RALYL: variants seen among roughly 807,000 people sequenced by gnomAD.
RALYL encodes the protein RNA-binding Raly-like protein.
RALYL carries 29 observed loss-of-function variants against 35.1 expected under a neutral mutation model. The observed-to-expected ratio is 0.83, with a 90% CI of 0.61 to 1.13. RALYL has a LOEUF of 1.13. Ranked by LOEUF, RALYL falls within the 50% of genes most tolerant of loss-of-function variation. RALYL has a pLI of 0.00. For missense variants in RALYL, 359 were observed against 360.4 expected (o/e 1.00, Z 0.03); for synonymous variants, 120 against 127.6 (o/e 0.94, Z 0.40).
intron 2 of RALYL, among the ~76,000 whole-genome samples, chr8:84,676,881 C>A (rs550517080): frequency 1.3e-5 from 2 of 152,290 alleles, no homozygotes; most frequent in African/African-American, 4.8e-5. Context: ...CAGCTCACTG[C>A]AACCTCTGCC....
At chr8:84,220,220 T>C (rs562266635) in intron 1 of RALYL, among the ~76,000 whole-genome samples, 9 of 152,226 alleles carry the variant, frequency 5.9e-5, no homozygotes, top group South Asian at 4.1e-4. Context: ...TAAACAATTA[T>C]GGGATCTTAA....
chr8:84,627,943 C>A (rs1049371972), intron 2 of RALYL, among the ~76,000 whole-genome samples: 1 of 152,062 alleles, frequency 6.6e-6, no homozygotes, highest in Non-Finnish European at 1.5e-5. Context: ...CTCTAAAATT[C>A]TCCATTTGGA....
At chr8:84,201,567 C>CT (rs35305807) in intron 1 of RALYL, among the ~76,000 whole-genome samples, 151 of 137,654 alleles carry the variant, frequency 1.1e-3, no homozygotes, top group African/African-American at 2.1e-3. Context: ...TTTTGCTTTT[C>CT]TTTTTTTTTT....
chr8:84,913,919 A>C (rs1847990197), intron 8 of RALYL, among the ~76,000 whole-genome samples: 1 of 151,980 alleles, frequency 6.6e-6, no homozygotes, highest in Non-Finnish European at 1.5e-5. Context: ...ATGCAATTTT[A>C]AAAATGAAGT....
intron 1 of RALYL, among the ~76,000 whole-genome samples, chr8:84,220,161 CTT>C (rs1563554573): frequency 2.0e-5 from 3 of 152,008 alleles, no homozygotes; most frequent in Non-Finnish European, 4.4e-5. Context: ...TCACTCCTCT[CTT>C]TAAAATTTTG....
rs1564115932 is a variant in RALYL at position 84,542,718 on chromosome 8, C to A, written c.256+13141C>A. On this transcript the variant is annotated intron_variant, in intron 2 of 8. Transcript: ENST00000521268. ...TTAAACATCTTTCCTTTATTAATTACCCAGTCTTGGATATTTCTTCATAGC... is the reference window on the plus strand; with the variant it reads ...TTAAACATCTTTCCTTTATTAATTAACCAGTCTTGGATATTTCTTCATAGC... Among the ~76,000 whole-genome samples the A allele has an allele frequency of 2.0e-5, 3 of 152,238 alleles. No homozygotes were observed. In the East Asian group the frequency reaches 5.8e-4, roughly 29 times the overall value.
chr8:84,680,377 G>A (rs1564361671), intron 2 of RALYL, among the ~76,000 whole-genome samples: 1 of 152,106 alleles, frequency 6.6e-6, no homozygotes, highest in African/African-American at 2.4e-5. Flanking sequence ...TAATGGGATG[G>A]CTGGGTCAAA....
intron 2 of RALYL, among the ~76,000 whole-genome samples, chr8:84,651,466 C>T (rs1304692940): frequency 6.6e-6 from 1 of 151,804 alleles, no homozygotes; most frequent in African/African-American, 2.4e-5. Context: ...GGGAAATTTG[C>T]TGAAACACAG....
chr8:84,474,876 C>A (rs2133777268), intron 1 of RALYL, among the ~76,000 whole-genome samples: 1 of 148,980 alleles, frequency 6.7e-6, no homozygotes, highest in East Asian at 2.0e-4. Flanking sequence ...CCACCCCCAC[C>A]CCCAGCCCCA....
intron 1 of RALYL, among the ~76,000 whole-genome samples, chr8:84,398,845 G>T (rs900216456): frequency 6.6e-6 from 1 of 151,918 alleles, no homozygotes; most frequent in Non-Finnish European, 1.5e-5. Flanking sequence ...GTGTTGGCAT[G>T]CGCCCGTAGT....
intron 1 of RALYL, among the ~76,000 whole-genome samples, chr8:84,348,362 A>G (rs1419302834): frequency 2.0e-5 from 3 of 152,094 alleles, no homozygotes; most frequent in South Asian, 2.1e-4. Context: ...GTTGGCTTGC[A>G]TGCACTTTTT....
intron 1 of RALYL, among the ~76,000 whole-genome samples, chr8:84,461,055 T>A (rs538422180): frequency 6.6e-6 from 1 of 151,808 alleles, no homozygotes; most frequent in East Asian, 1.9e-4. Flanking sequence ...TGAATATATC[T>A]TAGTGCATAT....
chr8:84,873,504 T>A, intron 7 of RALYL, 107 bp downstream of exon 7: 1 of 576,228 alleles, frequency 1.7e-6, no homozygotes, highest in Non-Finnish European at 3.1e-6. Context: ...TAACAGTGTT[T>A]AATACAGATG....
In RALYL at chr8:84,525,805, C is replaced by T. The variant is rs183753533; in HGVS notation, c.-23-3494C>T. Among the ~76,000 whole-genome samples the T allele has an allele frequency of 1.3e-3, 204 of 151,982 alleles. 1 individual carries two copies. The East Asian group carries it at 0.036, about 27-fold the overall frequency. On this transcript the variant is annotated intron_variant, in intron 1 of 8. Coordinates refer to ENST00000521268, the MANE Select transcript of RALYL (RefSeq NM_173848.7). ...TATTACAGTTTTTATCTTTAAAAGT[C>T]CCATTTGATTCATTTTTTAACATCT...
chr8:84,503,670 G>A (rs889590434), intron 1 of RALYL, among the ~76,000 whole-genome samples: 1 of 151,944 alleles, frequency 6.6e-6, no homozygotes, highest in East Asian at 2.0e-4. Flanking sequence ...CCAAGATGGT[G>A]AAACCACATC....
chr8:84,471,089 A>G (rs967786297), intron 1 of RALYL, among the ~76,000 whole-genome samples: 2 of 152,206 alleles, frequency 1.3e-5, no homozygotes, highest in South Asian at 4.1e-4. Context: ...TGGAATCAAT[A>G]TAAGAGTTTA....
chr8:84,607,627 G>C (rs980622511), intron 2 of RALYL, among the ~76,000 whole-genome samples: 2 of 151,992 alleles, frequency 1.3e-5, no homozygotes, highest in African/African-American at 2.4e-5. Flanking sequence ...AGAGTAATTC[G>C]GTCCACTTGG....
At chr8:84,239,751 C>T (rs184216250) in intron 1 of RALYL, among the ~76,000 whole-genome samples, 3 of 151,948 alleles carry the variant, frequency 2.0e-5, no homozygotes, top group Non-Finnish European at 2.9e-5. Context: ...ATTAGCCAGA[C>T]GTGGTGGTGT....
intron 1 of RALYL, among the ~76,000 whole-genome samples, chr8:84,390,739 T>C (rs1291656316): frequency 6.6e-6 from 1 of 151,980 alleles, no homozygotes; most frequent in Non-Finnish European, 1.5e-5. Context: ...TGGGATCTCA[T>C]AAAGCTAGCA....
Sources: gnomAD v4.1 joint callset for allele counts (sites outside exome capture counted in the v4.1 genomes callset) on GRCh38, gnomAD v4.1.1 for gene constraint, MANE v1.5 for transcripts, NCBI Gene and HGNC (gene_info 2026-07-23, HGNC 2026-07-21) for gene names.